Variants in SNAP25 observed in about 807,000 individuals in gnomAD.
SNAP25 encodes the protein synaptosomal-associated protein 25.
SNAP25 carries 3 observed loss-of-function variants against 28.7 expected under a neutral mutation model. The ratio of observed to expected loss-of-function variants is 0.10; its 90% CI spans 0.05 to 0.27. The LOEUF (loss-of-function observed/expected upper bound fraction) is 0.27. SNAP25 is among the 10% of genes least tolerant of loss of function. SNAP25 has a pLI of 1.00. For synonymous variants in SNAP25, 61 were observed against 88.1 expected, an observed-to-expected ratio of 0.69 and a Z score of 1.72; for missense variants, 117 against 278.7, an observed-to-expected ratio of 0.42 and a Z score of 4.13.
intron 1 of SNAP25, among the ~76,000 whole-genome samples, chr20:10,239,454 T>G (rs1318204029): frequency 6.6e-6 from 1 of 152,234 alleles, no homozygotes; most frequent in East Asian, 1.9e-4. Context: ...ACAATTGAAT[T>G]CTTTCTTGGC....
At chr20:10,253,227 T>G (rs997776253) in intron 1 of SNAP25, among the ~76,000 whole-genome samples, 1 of 152,176 alleles carries the variant, frequency 6.6e-6, no homozygotes, top group Non-Finnish European at 1.5e-5. Flanking sequence ...AAGGAGTAGA[T>G]GAGAGCTAAA....
chr20:10,224,257 C>CTTTTTTTTGTTTTTTTT (rs2062690463), intron 1 of SNAP25, among the ~76,000 whole-genome samples: 1 of 17,420 alleles, frequency 5.7e-5, no homozygotes, highest in African/African-American at 2.7e-4. Flanking sequence ...ATGTACATGT[C>CTTTTTTTTGTTTTTTTT]TTTTTTTTTT....
chr20:10,257,925 C>A (rs1393517444), intron 1 of SNAP25, among the ~76,000 whole-genome samples: 1 of 150,226 alleles, frequency 6.7e-6, no homozygotes, highest in African/African-American at 2.4e-5. Flanking sequence ...TAGCTGCCAG[C>A]AAATTTCATA....
intron 1 of SNAP25, among the ~76,000 whole-genome samples, chr20:10,221,396 C>T (rs181212412): frequency 2.1e-3 from 313 of 152,190 alleles, no homozygotes; most frequent in Middle Eastern, 3.4e-3. Context: ...ATGAATTTAA[C>T]ATTTATATCA....
intron 1 of SNAP25, among the ~76,000 whole-genome samples, chr20:10,222,781 C>T (rs2062657949): frequency 6.6e-6 from 1 of 152,202 alleles, no homozygotes; most frequent in African/African-American, 2.4e-5. Context: ...CTTACTGAAG[C>T]ATCTTTTAAG....
At chr20:10,275,352 T>A in intron 1 of SNAP25, 77 bp from the exon 2 acceptor site, 1 of 606,744 alleles carries the variant, frequency 1.6e-6, no homozygotes, top group Non-Finnish European at 2.7e-6. Context: ...GTATGGGCCA[T>A]TTAGATTTTC....
chr20:10,285,909 G>A (rs2063868190), intron 4 of SNAP25, among the ~76,000 whole-genome samples: 1 of 152,210 alleles, frequency 6.6e-6, no homozygotes, highest in Non-Finnish European at 1.5e-5. Context: ...AACCAGTGTT[G>A]TGAATATGTT....
intron 3 of SNAP25, among the ~76,000 whole-genome samples, chr20:10,282,150 AGG>A (rs2063788818): frequency 1.1e-5 from 1 of 93,324 alleles, no homozygotes; most frequent in African/African-American, 5.4e-5. Context: ...GAAGGAGGGA[AGG>A]AAGGAAGGAT....
chr20:10,252,665 G>A (rs1340266692), intron 1 of SNAP25, among the ~76,000 whole-genome samples: 1 of 151,712 alleles, frequency 6.6e-6, no homozygotes, highest in African/African-American at 2.4e-5. Flanking sequence ...AAAATAGTAA[G>A]CCCAAACAAG....
intron 2 of SNAP25, among the ~76,000 whole-genome samples, chr20:10,276,129 A>G (rs1220680525): frequency 2.0e-5 from 3 of 152,178 alleles, no homozygotes; most frequent in Non-Finnish European, 2.9e-5. Flanking sequence ...TTCCAACTTC[A>G]TGATCAGTAA....
At chr20:10,264,036 C>A (rs2063464983) in intron 1 of SNAP25, among the ~76,000 whole-genome samples, 1 of 152,030 alleles carries the variant, frequency 6.6e-6, no homozygotes, top group African/African-American at 2.4e-5. Context: ...GCAAAACAGA[C>A]AAAAGAAACA....
chr20:10,234,614 G>A (rs2062885239), intron 1 of SNAP25, among the ~76,000 whole-genome samples: 1 of 152,142 alleles, frequency 6.6e-6, no homozygotes, highest in South Asian at 2.1e-4. Flanking sequence ...AATTTGTCAT[G>A]GTTTTATGAT....
chr20:10,278,666 G>A (rs1283409232), intron 3 of SNAP25, among the ~76,000 whole-genome samples: 1 of 152,084 alleles, frequency 6.6e-6, no homozygotes, highest in Non-Finnish European at 1.5e-5. Context: ...CTGGCAGAAT[G>A]ATTAAATGAG....
At chr20:10,240,784 C>T (rs1481743879) in intron 1 of SNAP25, among the ~76,000 whole-genome samples, 1 of 152,206 alleles carries the variant, frequency 6.6e-6, no homozygotes, top group Non-Finnish European at 1.5e-5. Flanking sequence ...ATCATGATTG[C>T]CTCAATCTAC....
At chr20:10,284,917 TTTTC>T in intron 4 of SNAP25, 145 bp downstream of exon 4, 1 of 654,304 alleles carries the variant, frequency 1.5e-6, no homozygotes, top group Non-Finnish European at 2.6e-6. Flanking sequence ...ATCTTGCTTT[TTTTC>T]TTTCTCTGTT....
chr20:10,282,484 A>C (rs2063798990), intron 3 of SNAP25, among the ~76,000 whole-genome samples: 4 of 152,202 alleles, frequency 2.6e-5, no homozygotes, highest in Admixed American at 2.6e-4. Flanking sequence ...TGCTCCCTCA[A>C]ATTAGTTGCG....
rs1034339709 is a variant in SNAP25 at position 10,306,206 on chromosome 20, A to G, written c.*9A>G. On this transcript the variant is annotated 3_prime_UTR_variant, in exon 8 of 8. Transcript: ENST00000254976. Reference sequence around the variant, plus strand: ...TGCTGGGAAGTGGTTAAGTGTGCCCACCCGTGTTCTCCTCCAAATGCTGTC... The same window carrying G: ...TGCTGGGAAGTGGTTAAGTGTGCCCGCCCGTGTTCTCCTCCAAATGCTGTC... The G allele has an allele frequency of 6.2e-7, 1 of 1,613,070 alleles. No homozygotes were observed.
At chr20:10,271,013 CTT>C (rs1025574010) in intron 1 of SNAP25, among the ~76,000 whole-genome samples, 2 of 152,174 alleles carry the variant, frequency 1.3e-5, no homozygotes, top group African/African-American at 4.8e-5. Context: ...CTGTTAGGCT[CTT>C]AATAGACTGG....
At chr20:10,264,398 G>A (rs1365403777) in intron 1 of SNAP25, among the ~76,000 whole-genome samples, 1 of 152,166 alleles carries the variant, frequency 6.6e-6, no homozygotes, top group African/African-American at 2.4e-5. Context: ...AAGGAATTGG[G>A]CTTTAATGCT....
Sources: gnomAD v4.1 joint callset for allele counts (sites outside exome capture counted in the v4.1 genomes callset) on GRCh38, gnomAD v4.1.1 for gene constraint, MANE v1.5 for transcripts, NCBI Gene and HGNC (gene_info 2026-07-23, HGNC 2026-07-21) for gene names.